The following TRPM3 variants were observed in gnomAD, a reference collection of about 807,000 sequenced individuals.
TRPM3 encodes the protein long transient receptor potential channel 3.
A neutral mutation model predicts 181.2 loss-of-function variants in TRPM3; 77 were observed. The ratio of observed to expected loss-of-function variants is 0.42; its 90% CI spans 0.35 to 0.51. The LOEUF (loss-of-function observed/expected upper bound fraction) is 0.51. TRPM3 is among the 20% of genes least tolerant of loss of function. The pLI is 0.01. For missense variants in TRPM3, 1,759 were observed against 2,196.7 expected (o/e 0.80, Z 3.98); for synonymous variants, 745 against 796.4 (o/e 0.94, Z 1.09).
chr9:70,942,129 C>A (rs534990590), intron 1 of TRPM3, among the ~76,000 whole-genome samples: 7 of 152,248 alleles, frequency 4.6e-5, no homozygotes, highest in East Asian at 3.9e-4. Context: ...AATTGGCCAC[C>A]TTTCAACTGA....
intron 8 of TRPM3, among the ~76,000 whole-genome samples, chr9:70,751,658 A>T (rs1221421820): frequency 1.3e-5 from 2 of 152,176 alleles, no homozygotes; most frequent in East Asian, 3.8e-4. Flanking sequence ...AAATTTTAGG[A>T]AGGTAGAAAA....
intron 6 of TRPM3, among the ~76,000 whole-genome samples, chr9:70,803,054 AAAAAAC>A (rs937802275): frequency 0.022 from 2,413 of 111,106 alleles, 64 homozygotes; most frequent in Middle Eastern, 0.039. Flanking sequence ...AAAAAAAAAA[AAAAAAC>A]AAAGGCCCAA....
At chr9:71,301,020 C>A (rs2086722142) in intron 1 of TRPM3, among the ~76,000 whole-genome samples, 1 of 151,554 alleles carries the variant, frequency 6.6e-6, no homozygotes, top group Non-Finnish European at 1.5e-5. Flanking sequence ...TTTCACCACG[C>A]TCTCATTTCA....
chr9:70,990,028 T>C (rs1328669691), intron 1 of TRPM3, among the ~76,000 whole-genome samples: 1 of 152,214 alleles, frequency 6.6e-6, no homozygotes, highest in Non-Finnish European at 1.5e-5. Flanking sequence ...TCTAAACTTA[T>C]GCCTTTTGTA....
At chr9:70,605,020 G>A (rs1405426960) in intron 19 of TRPM3, among the ~76,000 whole-genome samples, 3 of 146,894 alleles carry the variant, frequency 2.0e-5, no homozygotes, top group Non-Finnish European at 4.5e-5. Context: ...GCAGTGGTGC[G>A]ATCTCGGCTT....
chr9:71,244,431 A>G (rs2081914541), intron 1 of TRPM3, among the ~76,000 whole-genome samples: 1 of 152,068 alleles, frequency 6.6e-6, no homozygotes, highest in Non-Finnish European at 1.5e-5. Context: ...TACTCTCAGC[A>G]CTCTGCCAAC....
At chr9:71,100,739 C>T (rs989253008) in intron 1 of TRPM3, among the ~76,000 whole-genome samples, 2 of 152,156 alleles carry the variant, frequency 1.3e-5, no homozygotes, top group Non-Finnish European at 2.9e-5. Flanking sequence ...TCCTTGCCCA[C>T]TGACTTATTC....
At chr9:71,123,519 C>T (rs78554435), upstream of TRPM3, among the ~76,000 whole-genome samples, 120 of 152,306 alleles carry the variant, frequency 7.9e-4, 1 homozygote, top group African/African-American at 2.8e-3. Flanking sequence ...AATACCTGTA[C>T]CATGATCCAT....
At chr9:70,954,322 A>T (rs2097041081) in intron 1 of TRPM3, among the ~76,000 whole-genome samples, 1 of 152,158 alleles carries the variant, frequency 6.6e-6, no homozygotes, top group Non-Finnish European at 1.5e-5. Context: ...GTGCAGTGAA[A>T]TGCCTTAATC....
At chr9:71,372,921 G>C (rs1156254905) in intron 1 of TRPM3, among the ~76,000 whole-genome samples, 1 of 152,064 alleles carries the variant, frequency 6.6e-6, no homozygotes, top group Admixed American at 6.6e-5. Flanking sequence ...ATAATAAACA[G>C]TCTGTCAGAC....
intron 6 of TRPM3, among the ~76,000 whole-genome samples, chr9:70,797,546 A>T (rs770331561): frequency 1.3e-5 from 2 of 152,142 alleles, no homozygotes; most frequent in Non-Finnish European, 2.9e-5. Flanking sequence ...CTCTCTCTCT[A>T]CCTGATCTGA....
At chr9:71,347,738 C>T (rs1011868715) in intron 1 of TRPM3, among the ~76,000 whole-genome samples, 3 of 150,612 alleles carry the variant, frequency 2.0e-5, no homozygotes, top group African/African-American at 4.9e-5. Context: ...AGTGAGGCCT[C>T]GTGTTTATTA....
intron 1 of TRPM3, among the ~76,000 whole-genome samples, chr9:71,378,953 A>T (rs986991767): frequency 1.3e-5 from 2 of 152,010 alleles, no homozygotes; most frequent in Non-Finnish European, 2.9e-5. Context: ...CAATAGTAAA[A>T]TTAGAATTGC....
chr9:70,580,787 C>T (rs1317103), intron 22 of TRPM3, among the ~76,000 whole-genome samples: 104,645 of 151,904 alleles, frequency 0.69, 36,932 homozygotes, highest in Non-Finnish European at 0.76. Context: ...GGCCCGCCCT[C>T]CCTTTTCTCT....
At chr9:70,839,346 G>C (rs556039123) in intron 5 of TRPM3, among the ~76,000 whole-genome samples, 2 of 152,258 alleles carry the variant, frequency 1.3e-5, no homozygotes, top group Admixed American at 6.5e-5. Context: ...GACCTGAAGG[G>C]AGGTGAGTGT....
intron 1 of TRPM3, among the ~76,000 whole-genome samples, chr9:71,444,747 T>C (rs980656530): frequency 1.3e-5 from 2 of 152,224 alleles, no homozygotes; most frequent in African/African-American, 2.4e-5. Flanking sequence ...AAGTCAAAAC[T>C]CTTTGTTAAC....
At chr9:71,083,471 T>C (rs1024492220) in intron 1 of TRPM3, among the ~76,000 whole-genome samples, 1 of 152,100 alleles carries the variant, frequency 6.6e-6, no homozygotes, top group African/African-American at 2.4e-5. Context: ...CTGCATTTTA[T>C]TGGATGAGCC....
intron 1 of TRPM3, among the ~76,000 whole-genome samples, chr9:71,282,386 AG>A (rs1205785983): frequency 3.4e-5 from 3 of 87,210 alleles, no homozygotes; most frequent in Admixed American, 9.1e-5. Context: ...AAAGAAAGAA[AG>A]GAAAGAAAGA....
At chr9:70,922,425 A>C (rs1367092523) in intron 1 of TRPM3, among the ~76,000 whole-genome samples, 1 of 152,182 alleles carries the variant, frequency 6.6e-6, no homozygotes, top group Non-Finnish European at 1.5e-5. Context: ...TAAATATCCT[A>C]AACATTATTG....
Sources: gnomAD v4.1 joint callset for allele counts (sites outside exome capture counted in the v4.1 genomes callset) on GRCh38, gnomAD v4.1.1 for gene constraint, MANE v1.5 for transcripts, NCBI Gene and HGNC (gene_info 2026-07-23, HGNC 2026-07-21) for gene names.